Variants in SEMA3A observed in about 807,000 individuals in gnomAD.
The protein encoded by SEMA3A is semaphorin-3A.
SEMA3A carries 29 observed loss-of-function variants against 97.9 expected under a neutral mutation model. The observed-to-expected ratio is 0.30, with a 90% CI of 0.22 to 0.40. SEMA3A has a LOEUF of 0.40. SEMA3A is among the 10% of genes least tolerant of loss of function. The probability of loss-of-function intolerance (pLI) is 1.00; values close to 1 mark genes in which losing one functional copy is unlikely to be tolerated. For missense variants in SEMA3A, 763 were observed against 951.3 expected (o/e 0.80, Z 2.60); for synonymous variants, 321 against 323.7 (o/e 0.99, Z 0.09).
intron 1 of SEMA3A, among the ~76,000 whole-genome samples, chr7:84,490,868 T>A (rs12669953): frequency 6.6e-6 from 1 of 152,172 alleles, no homozygotes; most frequent in Non-Finnish European, 1.5e-5. Context: ...CTGTACTCTA[T>A]GGCATTCATG....
intron 3 of SEMA3A, among the ~76,000 whole-genome samples, chr7:84,234,719 C>G (rs1016650285): frequency 6.6e-6 from 1 of 152,050 alleles, no homozygotes; most frequent in Admixed American, 6.6e-5. Context: ...ACACTCACTG[C>G]AGGCTTATTC....
chr7:84,062,263 A>C (rs994192681), intron 4 of SEMA3A, among the ~76,000 whole-genome samples: 1 of 152,332 alleles, frequency 6.6e-6, no homozygotes, highest in African/African-American at 2.4e-5. Flanking sequence ...TACATCACTA[A>C]ATTACAAACT....
At chr7:84,087,329 A>G (rs1014470930) in intron 4 of SEMA3A, among the ~76,000 whole-genome samples, 2 of 152,170 alleles carry the variant, frequency 1.3e-5, no homozygotes, top group Non-Finnish European at 2.9e-5. Context: ...CTGCCTGTTT[A>G]GAATGTTACA....
At chr7:84,420,065 T>G (rs1459025979) in intron 1 of SEMA3A, among the ~76,000 whole-genome samples, 2 of 151,986 alleles carry the variant, frequency 1.3e-5, no homozygotes. Flanking sequence ...CAGTCAAAGA[T>G]AGTGAGTTCT....
At chr7:83,964,955 A>T (rs761555109) in intron 15 of SEMA3A, among the ~76,000 whole-genome samples, 1 of 152,176 alleles carries the variant, frequency 6.6e-6, no homozygotes, top group Non-Finnish European at 1.5e-5. Flanking sequence ...GATACAGGTG[A>T]ATTTAATTGC....
chr7:84,367,715 T>C (rs1367645094), intron 2 of SEMA3A, among the ~76,000 whole-genome samples: 2 of 150,900 alleles, frequency 1.3e-5, no homozygotes, highest in Admixed American at 6.6e-5. Context: ...AAGACTTGCA[T>C]TTGGAATAAT....
intron 2 of SEMA3A, among the ~76,000 whole-genome samples, chr7:84,330,705 T>C (rs1367592317): frequency 1.3e-5 from 2 of 152,142 alleles, no homozygotes; most frequent in Non-Finnish European, 2.9e-5. Flanking sequence ...TTTATTTTTT[T>C]GCATGCTTAC....
intron 4 of SEMA3A, among the ~76,000 whole-genome samples, chr7:84,103,070 C>T (rs764728842): frequency 2.6e-5 from 4 of 152,044 alleles, no homozygotes; most frequent in African/African-American, 9.7e-5. Flanking sequence ...ATGACAATGA[C>T]ATTGCTATGT....
At chr7:84,036,660 C>T (rs553637555) in intron 6 of SEMA3A, among the ~76,000 whole-genome samples, 40 of 152,138 alleles carry the variant, frequency 2.6e-4, no homozygotes, top group African/African-American at 9.4e-4. Context: ...AATTGATAAA[C>T]AGTAACTGAA....
Position 84,263,049 on chromosome 7 carries a change from C to A in SEMA3A, c.-83+44158G>T, listed in dbSNP as rs556381219. Among the ~76,000 whole-genome samples, 6 of 152,266 alleles carry A rather than the reference C, an allele frequency of 3.9e-5. No homozygotes were observed. In the East Asian group the frequency reaches 1.2e-3, roughly 29 times the overall value. ...AATTTATAAGTCTTCTTAAATGTGACATAATTTTAAAAATAAATTATGACA... is the reference window on the plus strand; with the variant it reads ...AATTTATAAGTCTTCTTAAATGTGAAATAATTTTAAAAATAAATTATGACA... On this transcript the variant is annotated intron_variant, in intron 3 of 3. Coordinates refer to the SEMA3A transcript ENST00000424555.
intron 4 of SEMA3A, among the ~76,000 whole-genome samples, chr7:84,091,193 AAAGAAAGAAAGAAAG>A (rs1372653543): frequency 1.3e-5 from 1 of 78,968 alleles, no homozygotes; most frequent in African/African-American, 4.4e-5. Context: ...AGAAAGAAAG[AAAGAAAGAAAGAAAG>A]AAAGAAAAGA....
At position 84,491,141 on chromosome 7, in the gene SEMA3A, G is replaced by A. The variant is rs546027446; in HGVS notation, c.-246+1319C>T. Among the ~76,000 whole-genome samples the A allele has an allele frequency of 1.6e-4, 24 of 152,076 alleles. 1 individual carries two copies. The South Asian group carries it at 4.4e-3, about 28-fold the overall frequency. On this transcript the variant is annotated intron_variant, in intron 1 of 3. Coordinates refer to the SEMA3A transcript ENST00000424555. ...ACAAAGGAGTCATCAGGATTCTACC[G>A]TCATGGCTTTTAAATCATCATTTTC...
intron 12 of SEMA3A, among the ~76,000 whole-genome samples, chr7:83,993,484 T>C (rs1251207933): frequency 6.6e-6 from 1 of 151,458 alleles, no homozygotes; most frequent in African/African-American, 2.4e-5. Context: ...TAGTGCTTCC[T>C]TCAGGAGCTC....
chr7:84,297,996 C>A (rs1800910574), intron 3 of SEMA3A, among the ~76,000 whole-genome samples: 1 of 152,156 alleles, frequency 6.6e-6, no homozygotes, highest in Non-Finnish European at 1.5e-5. Context: ...CTGTATTAAA[C>A]CTCTTACTAA....
At chr7:84,203,273 TG>T (rs765060530) in intron 3 of SEMA3A, among the ~76,000 whole-genome samples, 5 of 151,900 alleles carry the variant, frequency 3.3e-5, no homozygotes, top group Non-Finnish European at 7.4e-5. Flanking sequence ...TAGTTCCTAT[TG>T]CTTTGTATCA....
At chr7:84,304,504 A>G in intron 3 of SEMA3A, among the ~76,000 whole-genome samples, 2 of 152,140 alleles carry the variant, frequency 1.3e-5, no homozygotes, top group East Asian at 3.8e-4. Context: ...GAATAAGATG[A>G]ATATACTTTC....
intron 2 of SEMA3A, among the ~76,000 whole-genome samples, chr7:84,358,304 A>G (rs1036338089): frequency 6.6e-6 from 1 of 152,072 alleles, no homozygotes; most frequent in South Asian, 2.1e-4. Flanking sequence ...ATCTTGAATT[A>G]ATTTTTGTAT....
chr7:84,176,929 A>G (rs1351363818), intron 1 of SEMA3A, among the ~76,000 whole-genome samples: 1 of 152,122 alleles, frequency 6.6e-6, no homozygotes, highest in African/African-American at 2.4e-5. Flanking sequence ...CTGTTGCATA[A>G]CAATATCTAG....
At chr7:84,076,223 G>A (rs1348677029) in intron 4 of SEMA3A, among the ~76,000 whole-genome samples, 2 of 152,102 alleles carry the variant, frequency 1.3e-5, no homozygotes, top group Non-Finnish European at 2.9e-5. Flanking sequence ...GCTAATAACT[G>A]TTAAGCAGCT....
Sources: allele counts gnomAD v4.1 joint callset (sites outside exome capture counted in the v4.1 genomes callset), GRCh38; gene constraint gnomAD v4.1.1; transcripts MANE v1.5; gene names NCBI Gene and HGNC (gene_info 2026-07-23, HGNC 2026-07-21).